KLHL29: variants seen among roughly 807,000 people sequenced by gnomAD.
KLHL29 encodes the protein kelch like family member 29.
In KLHL29, 21 loss-of-function variants were observed where a neutral mutation model predicts 80.4. The observed-to-expected ratio is 0.26, with a 90% CI of 0.19 to 0.38. KLHL29 has a LOEUF of 0.38. Ranked by LOEUF, KLHL29 falls within the 10% of genes least tolerant of loss-of-function variation. The pLI is 1.00. For missense variants in KLHL29, 867 were observed against 1,223.9 expected (o/e 0.71, Z 4.35); for synonymous variants, 511 against 526.8 (o/e 0.97, Z 0.41).
At chr2:23,600,742 T>G (rs1387963643) in intron 3 of KLHL29, among the ~76,000 whole-genome samples, 1 of 152,084 alleles carries the variant, frequency 6.6e-6, no homozygotes, top group Non-Finnish European at 1.5e-5. Flanking sequence ...GTGGGACCCA[T>G]CAGGTTGGGA....
intron 3 of KLHL29, among the ~76,000 whole-genome samples, chr2:23,601,876 C>A (rs1668580307): frequency 6.6e-6 from 1 of 152,210 alleles, no homozygotes; most frequent in African/African-American, 2.4e-5. Context: ...TGTTTGCACA[C>A]CAAGCCCTCC....
At chr2:23,451,163 A>C (rs1663867954) in intron 1 of KLHL29, among the ~76,000 whole-genome samples, 1 of 152,144 alleles carries the variant, frequency 6.6e-6, no homozygotes, top group Admixed American at 6.5e-5. Context: ...CACTTACCTA[A>C]AAACTGGTTT....
intron 2 of KLHL29, among the ~76,000 whole-genome samples, chr2:23,484,656 C>T (rs1664881968): frequency 6.6e-6 from 1 of 152,216 alleles, no homozygotes; most frequent in South Asian, 2.1e-4. Flanking sequence ...TGTCCTCCCT[C>T]TCCATCTCAG....
At chr2:23,631,641 G>T (rs1159418818) in intron 3 of KLHL29, among the ~76,000 whole-genome samples, 5 of 152,190 alleles carry the variant, frequency 3.3e-5, no homozygotes. Context: ...CCCCGCGTAG[G>T]GATTTAACTG....
Position 23,562,176 on chromosome 2 carries a change from A to G in KLHL29, c.-21A>G, listed in dbSNP as rs1667462978. ...GGTCCGGGCTCTGTTTCCCTGTGAG[A>G]AGCCGCCTCGGCCCACCGAGATGTC... is the stretch of plus-strand genomic sequence containing the variant. On this transcript the variant is annotated 5_prime_UTR_variant, in exon 3 of 14. Transcript: ENST00000486442. This position sits in a 1 kb window ranked among gnomAD's most constrained non-coding sequence, Gnocchi z 4.5. 1 of 1,549,286 alleles carries G rather than the reference A, an allele frequency of 6.5e-7. No individual in the cohort carries two copies.
chr2:23,496,891 A>T (rs1238212991), intron 2 of KLHL29, among the ~76,000 whole-genome samples: 3 of 152,224 alleles, frequency 2.0e-5, no homozygotes, highest in Non-Finnish European at 4.4e-5. Context: ...AGTGTGGCAT[A>T]TGGGACATTT....
intron 2 of KLHL29, among the ~76,000 whole-genome samples, chr2:23,501,255 T>C (rs528406153): frequency 1.3e-5 from 2 of 152,178 alleles, no homozygotes; most frequent in Admixed American, 1.3e-4. Context: ...TGTTCCTTGC[T>C]AGACCGGGTC....
At chr2:23,393,100 A>G (rs969829348) in intron 1 of KLHL29, among the ~76,000 whole-genome samples, 1 of 152,238 alleles carries the variant, frequency 6.6e-6, no homozygotes, top group Non-Finnish European at 1.5e-5. Context: ...ATCTAGAACC[A>G]CTAATCGCTG....
chr2:23,644,671 G>T (rs928478909), intron 5 of KLHL29, among the ~76,000 whole-genome samples: 1 of 152,210 alleles, frequency 6.6e-6, no homozygotes. Context: ...GTGCCCACTG[G>T]GTCAATGACC....
chr2:23,548,876 A>G (rs1410350632), intron 2 of KLHL29, among the ~76,000 whole-genome samples: 1 of 152,098 alleles, frequency 6.6e-6, no homozygotes, highest in Non-Finnish European at 1.5e-5. Context: ...CCTCTGTTAC[A>G]GCCCCCCTGC....
At chr2:23,603,201 C>A (rs1415096577) in intron 3 of KLHL29, among the ~76,000 whole-genome samples, 2 of 152,114 alleles carry the variant, frequency 1.3e-5, no homozygotes, top group East Asian at 3.9e-4. Context: ...ACCCTGGAAC[C>A]GTGAGAAATG....
chr2:23,528,633 A>G (rs995579811), intron 2 of KLHL29, among the ~76,000 whole-genome samples: 7 of 152,226 alleles, frequency 4.6e-5, no homozygotes, highest in East Asian at 1.9e-4. Flanking sequence ...CCTTTGATCA[A>G]TAAAGCAGGA....
chr2:23,624,833 T>TGTC (rs1669271286), intron 3 of KLHL29, among the ~76,000 whole-genome samples: 1 of 152,232 alleles, frequency 6.6e-6, no homozygotes, highest in Non-Finnish European at 1.5e-5. Context: ...GCCCCTGCCT[T>TGTC]GTCCCAGGTA....
intron 6 of KLHL29, 121 bp from the exon 7 acceptor site, chr2:23,691,553 G>C: frequency 1.4e-6 from 1 of 733,930 alleles, no homozygotes; most frequent in Non-Finnish European, 2.3e-6. Flanking sequence ...TGTCATTGCC[G>C]TGTCCTTTGA....
At chr2:23,609,551 G>A (rs1227914808) in intron 3 of KLHL29, among the ~76,000 whole-genome samples, 2 of 152,022 alleles carry the variant, frequency 1.3e-5, no homozygotes, top group Non-Finnish European at 2.9e-5. Context: ...TGGAGCGAGG[G>A]AATAGGAATC....
chr2:23,568,523 A>G (rs147195585), intron 3 of KLHL29, among the ~76,000 whole-genome samples: 52 of 152,322 alleles, frequency 3.4e-4, no homozygotes, highest in Admixed American at 4.6e-4. Flanking sequence ...CCATCCAGCT[A>G]GCTCAGGCTT....
chr2:23,561,115 G>T (rs1421189879), intron 2 of KLHL29, among the ~76,000 whole-genome samples: 1 of 152,164 alleles, frequency 6.6e-6, no homozygotes, highest in Non-Finnish European at 1.5e-5. Context: ...GTGTGATGCA[G>T]ACCCCTACCC....
At chr2:23,517,273 G>T (rs56310059) in intron 2 of KLHL29, among the ~76,000 whole-genome samples, 1 of 152,212 alleles carries the variant, frequency 6.6e-6, no homozygotes, top group Non-Finnish European at 1.5e-5. Flanking sequence ...GGCTGGGCGC[G>T]GTGGCTCACG....
intron 2 of KLHL29, among the ~76,000 whole-genome samples, chr2:23,512,220 T>C (rs1250491401): frequency 6.6e-6 from 1 of 151,982 alleles, no homozygotes; most frequent in African/African-American, 2.4e-5. Context: ...CCAAGGTGGG[T>C]GGATCACCTG....
Sources: gnomAD v4.1 joint callset for allele counts (sites outside exome capture counted in the v4.1 genomes callset) on GRCh38, gnomAD v4.1.1 for gene constraint, Gnocchi (gnomAD v3.1) non-coding constraint, MANE v1.5 for transcripts, NCBI Gene and HGNC (gene_info 2026-07-23, HGNC 2026-07-21) for gene names.